Variants in RSRC1 observed in about 807,000 individuals in gnomAD.
RSRC1 encodes the protein serine/Arginine-related protein 53.
RSRC1 carries 39 observed loss-of-function variants against 49.1 expected under a neutral mutation model. The observed-to-expected ratio is 0.79, with a 90% CI of 0.61 to 1.04. The LOEUF is 1.04. Ranked by LOEUF, RSRC1 falls within the 50% of genes least tolerant of loss-of-function variation. The pLI is 0.00. For missense variants in RSRC1, 388 were observed against 402.4 expected (o/e 0.96, Z 0.31); for synonymous variants, 143 against 130.8 (o/e 1.09, Z -0.63).
intron 7 of RSRC1, among the ~76,000 whole-genome samples, chr3:158,486,005 A>C (rs9835244): frequency 0.52 from 78,990 of 151,914 alleles, 21,093 homozygotes; most frequent in African/African-American, 0.64. Flanking sequence ...CATAACGTTC[A>C]TTCAAAAGTG....
chr3:158,325,296 A>G (rs1402545538), intron 5 of RSRC1, among the ~76,000 whole-genome samples: 3 of 152,136 alleles, frequency 2.0e-5, no homozygotes, highest in Non-Finnish European at 4.4e-5. Context: ...GACATGAAGT[A>G]CTTGCCCATG....
At chr3:158,229,183 T>C (rs2108307752) in intron 4 of RSRC1, among the ~76,000 whole-genome samples, 1 of 136,260 alleles carries the variant, frequency 7.3e-6, no homozygotes, top group South Asian at 2.3e-4. Context: ...TATGTGTATG[T>C]GTAAACATAC....
chr3:158,303,699 AT>A, intron 5 of RSRC1: 1 of 152,332 alleles, frequency 6.6e-6, no homozygotes, highest in East Asian at 1.9e-4. Flanking sequence ...TTTTCATTGT[AT>A]TCATTGAGTA....
At chr3:158,493,400 T>C (rs1739172583) in intron 7 of RSRC1, among the ~76,000 whole-genome samples, 1 of 152,302 alleles carries the variant, frequency 6.6e-6, no homozygotes, top group South Asian at 2.1e-4. Flanking sequence ...GGGTAGAGAA[T>C]ATTTAGGAAG....
intron 5 of RSRC1, among the ~76,000 whole-genome samples, chr3:158,349,238 GTTT>G (rs1023764760): frequency 6.6e-6 from 1 of 151,968 alleles, no homozygotes; most frequent in Non-Finnish European, 1.5e-5. Flanking sequence ...AACGTCTGTT[GTTT>G]TTTTAACTTT....
In RSRC1 at chr3:158,412,567, A is replaced by G. The variant is rs185435470; in HGVS notation, c.584-48368A>G. 1.6e-4 allele frequency among the ~76,000 whole-genome samples: 25 copies of G among 152,186 alleles called. No individual in the cohort carries two copies. The East Asian group carries it at 4.7e-3, about 28-fold the overall frequency. ...TTTATGTTAATGTTAATGAGTGTAG[A>G]GGGGCATTCACCTCTCTCATTAACA... On this transcript the variant is annotated intron_variant, in intron 6 of 9. Transcript: ENST00000611884.
chr3:158,523,431 G>A (rs1270136399), intron 7 of RSRC1, among the ~76,000 whole-genome samples: 1 of 151,674 alleles, frequency 6.6e-6, no homozygotes, highest in Non-Finnish European at 1.5e-5. Context: ...ATTACTATAG[G>A]GATAGACATA....
intron 3 of RSRC1, among the ~76,000 whole-genome samples, chr3:158,153,754 A>G (rs556308572): frequency 1.3e-5 from 2 of 152,320 alleles, no homozygotes; most frequent in South Asian, 2.1e-4. Flanking sequence ...TCGAACCTAT[A>G]CTGTAAAGTT....
intron 6 of RSRC1, among the ~76,000 whole-genome samples, chr3:158,449,661 C>T (rs1293891350): frequency 6.6e-6 from 1 of 151,910 alleles, no homozygotes; most frequent in Non-Finnish European, 1.5e-5. Context: ...TTCTAGGGTA[C>T]ATGTGCACAA....
chr3:158,220,659 T>C (rs566237534), intron 4 of RSRC1, among the ~76,000 whole-genome samples: 30 of 151,670 alleles, frequency 2.0e-4, no homozygotes, highest in African/African-American at 5.8e-4. Context: ...TTCCTTCCTT[T>C]CTTTCTTTCT....
chr3:158,385,708 A>G (rs1732934680), intron 6 of RSRC1, among the ~76,000 whole-genome samples: 1 of 152,162 alleles, frequency 6.6e-6, no homozygotes. Context: ...ACCCAAATGA[A>G]TGAAATTAGA....
At chr3:158,150,761 G>A (rs1413116065) in intron 3 of RSRC1, among the ~76,000 whole-genome samples, 7 of 152,122 alleles carry the variant, frequency 4.6e-5, no homozygotes, top group African/African-American at 1.7e-4. Flanking sequence ...GTGCTTCCGG[G>A]ACTGCCATGA....
chr3:158,267,196 G>C (rs1008381930), intron 4 of RSRC1, among the ~76,000 whole-genome samples: 5 of 152,206 alleles, frequency 3.3e-5, no homozygotes, highest in African/African-American at 1.2e-4. Context: ...CATAGTTTCT[G>C]AGGAAAAGTT....
chr3:158,167,271 C>G (rs1036724920), intron 3 of RSRC1, among the ~76,000 whole-genome samples: 6 of 152,164 alleles, frequency 3.9e-5, no homozygotes, highest in African/African-American at 1.2e-4. Context: ...ACTGCAACCT[C>G]TGCCTCTCAG....
intron 5 of RSRC1, among the ~76,000 whole-genome samples, chr3:158,342,984 G>A (rs1214350063): frequency 6.6e-6 from 1 of 152,202 alleles, no homozygotes; most frequent in Non-Finnish European, 1.5e-5. Context: ...AGACCAGGAA[G>A]GCCAAAGCAT....
chr3:158,127,673 TCA>T (rs1185336226), intron 3 of RSRC1, among the ~76,000 whole-genome samples: 1 of 151,886 alleles, frequency 6.6e-6, no homozygotes, highest in Admixed American at 6.6e-5. Flanking sequence ...TTTACAGATC[TCA>T]GTTTCTTTGA....
At chr3:158,481,505 A>G (rs1160544356) in intron 7 of RSRC1, among the ~76,000 whole-genome samples, 5 of 152,092 alleles carry the variant, frequency 3.3e-5, no homozygotes, top group Admixed American at 3.3e-4. Flanking sequence ...TGAGTTTGGA[A>G]TTCAGTTTGG....
chr3:158,515,710 A>G (rs1032295041), intron 7 of RSRC1, among the ~76,000 whole-genome samples: 1 of 147,202 alleles, frequency 6.8e-6, no homozygotes, highest in Non-Finnish European at 1.5e-5. Context: ...ACTTGGTTCC[A>G]TTCTCCCCGT....
chr3:158,233,135 G>GGAAAGACAT (rs1483729206), intron 4 of RSRC1, among the ~76,000 whole-genome samples: 7 of 152,012 alleles, frequency 4.6e-5, no homozygotes, highest in Non-Finnish European at 1.0e-4. Context: ...AAGTGAGAAG[G>GGAAAGACAT]GAAAGACATA....
Sources: allele counts gnomAD v4.1 joint callset (sites outside exome capture counted in the v4.1 genomes callset), GRCh38; gene constraint gnomAD v4.1.1; transcripts MANE v1.5; gene names NCBI Gene and HGNC (gene_info 2026-07-23, HGNC 2026-07-21).